SPRR2G: variants seen among roughly 807,000 people sequenced by gnomAD.
The protein encoded by SPRR2G is small proline-rich protein 2G.
A neutral mutation model predicts 0.7 loss-of-function variants in SPRR2G; 1 was observed. The ratio of observed to expected loss-of-function variants is 1.49; its 90% confidence interval spans 0.53 to 7.06. SPRR2G has a LOEUF of 7.06. Ranked by LOEUF, SPRR2G falls within the 30% of genes most tolerant of loss-of-function variation. The pLI is 0.14. For missense variants in SPRR2G, 96 were observed against 88.5 expected, an observed-to-expected ratio of 1.09 and a Z score of -0.34; for synonymous variants, 38 against 33.9, an observed-to-expected ratio of 1.12 and a Z score of -0.42.
the SPRR2G span, among the ~76,000 whole-genome samples, chr1:153,171,298 C>T: frequency 6.6e-6 from 1 of 152,100 alleles, no homozygotes; most frequent in Non-Finnish European, 1.5e-5. Context: ...CACACAAACA[C>T]TAAAACTCAA....
the SPRR2G span, among the ~76,000 whole-genome samples, chr1:153,167,747 A>T: frequency 1.3e-5 from 2 of 152,204 alleles, no homozygotes; most frequent in Admixed American, 1.3e-4. Context: ...CTTACAAGTA[A>T]ATAATTTTAA....
chr1:153,184,722 C>G, the SPRR2G span, among the ~76,000 whole-genome samples: 2 of 152,148 alleles, frequency 1.3e-5, no homozygotes, highest in Admixed American at 1.3e-4. Flanking sequence ...TTGCCCTGGC[C>G]AGAACTTCCA....
At chr1:153,185,403 G>T in the SPRR2G span, among the ~76,000 whole-genome samples, 2 of 147,924 alleles carry the variant, frequency 1.4e-5, no homozygotes, top group African/African-American at 2.5e-5. Flanking sequence ...ACTTGTTATT[G>T]GTCTACTCAG....
the SPRR2G span, among the ~76,000 whole-genome samples, chr1:153,202,169 C>T: frequency 6.6e-6 from 1 of 152,212 alleles, no homozygotes; most frequent in African/African-American, 2.4e-5. Flanking sequence ...GGAGTCTGCA[C>T]AGAAAAAGCG....
the SPRR2G span, among the ~76,000 whole-genome samples, chr1:153,201,776 G>A: frequency 1.8e-4 from 27 of 152,166 alleles, no homozygotes; most frequent in African/African-American, 6.0e-4. Flanking sequence ...TTCAACTCAT[G>A]ATCTTCTATT....
the SPRR2G span, among the ~76,000 whole-genome samples, chr1:153,170,616 G>T: frequency 6.6e-6 from 1 of 152,192 alleles, no homozygotes; most frequent in Admixed American, 6.5e-5. Flanking sequence ...AGAAGAAAAG[G>T]TGGAAGAAGG....
the SPRR2G span, among the ~76,000 whole-genome samples, chr1:153,159,205 C>A: frequency 6.6e-6 from 1 of 152,188 alleles, no homozygotes; most frequent in African/African-American, 2.4e-5. Flanking sequence ...ACCAGGTCAC[C>A]TCTTGAATTC....
the SPRR2G span, among the ~76,000 whole-genome samples, chr1:153,180,764 C>T: frequency 6.6e-6 from 1 of 152,148 alleles, no homozygotes. Flanking sequence ...GCTCCACACT[C>T]TGTCTAAACT....
At chr1:153,173,779 T>C in the SPRR2G span, among the ~76,000 whole-genome samples, 1 of 152,140 alleles carries the variant, frequency 6.6e-6, no homozygotes, top group East Asian at 1.9e-4. Flanking sequence ...GGGAGTTCCT[T>C]CCATGGGGTT....
At chr1:153,174,246 G>A in the SPRR2G span, among the ~76,000 whole-genome samples, 1 of 152,172 alleles carries the variant, frequency 6.6e-6, no homozygotes, top group South Asian at 2.1e-4. Flanking sequence ...ATAGCATTTA[G>A]TTTTGTACCA....
chr1:153,197,075 T>C, the SPRR2G span, among the ~76,000 whole-genome samples: 1 of 151,440 alleles, frequency 6.6e-6, no homozygotes, highest in Non-Finnish European at 1.5e-5. Context: ...CCCTGCCAAG[T>C]CCACTCCATC....
At chr1:153,184,916 G>C in the SPRR2G span, among the ~76,000 whole-genome samples, 604 of 152,192 alleles carry the variant, frequency 4.0e-3, 9 homozygotes, top group African/African-American at 0.013. Context: ...TATCGTGAAG[G>C]GGTGTTGAAT....
At chr1:153,201,680 C>T in the SPRR2G span, among the ~76,000 whole-genome samples, 2 of 152,202 alleles carry the variant, frequency 1.3e-5, no homozygotes, top group Non-Finnish European at 2.9e-5. Context: ...AACCCATTCT[C>T]CTCTTTTATT....
upstream of SPRR2G, among the ~76,000 whole-genome samples, chr1:153,153,277 A>G (rs964531061): frequency 5.9e-5 from 9 of 152,190 alleles, no homozygotes; most frequent in African/African-American, 2.2e-4. Context: ...GTTCAAAGAT[A>G]TTTTAAAATT....
the SPRR2G span, among the ~76,000 whole-genome samples, chr1:153,197,084 T>C: frequency 6.6e-6 from 1 of 151,510 alleles, no homozygotes; most frequent in Non-Finnish European, 1.5e-5. Context: ...GTCCACTCCA[T>C]CCTGTGTCCT....
At chr1:153,151,179 TC>T (rs112713488), upstream of SPRR2G, among the ~76,000 whole-genome samples, 683 of 152,328 alleles carry the variant, frequency 4.5e-3, 7 homozygotes, top group African/African-American at 0.016. Flanking sequence ...TTCTCCTACT[TC>T]CCAGCTTCCA....
chr1:153,180,999 C>T, the SPRR2G span, among the ~76,000 whole-genome samples: 2 of 151,896 alleles, frequency 1.3e-5, no homozygotes, highest in Non-Finnish European at 2.9e-5. Context: ...AGTAGGAACA[C>T]ATGTGTATAT....
the SPRR2G span, among the ~76,000 whole-genome samples, chr1:153,164,605 T>C: frequency 6.6e-6 from 1 of 152,218 alleles, no homozygotes; most frequent in African/African-American, 2.4e-5. Context: ...TAAAATCACA[T>C]AGTGTTTGTA....
the SPRR2G span, among the ~76,000 whole-genome samples, chr1:153,188,050 G>C: frequency 6.6e-6 from 1 of 152,182 alleles, no homozygotes; most frequent in African/African-American, 2.4e-5. Flanking sequence ...GAACAGCAAA[G>C]ATTGCTGCCT....
Sources: allele counts gnomAD v4.1 joint callset (sites outside exome capture counted in the v4.1 genomes callset), GRCh38; gene constraint gnomAD v4.1.1; transcripts MANE v1.5; gene names NCBI Gene and HGNC (gene_info 2026-07-23, HGNC 2026-07-21).